ZCWPW2: variants seen among roughly 807,000 people sequenced by gnomAD.
The protein encoded by ZCWPW2 is zinc finger CW-type and PWWP domain containing 2, also known as zinc finger CW-type PWWP domain protein 2.
Under a neutral mutation model 46.6 loss-of-function variants are expected in ZCWPW2, and 45 were observed. The observed-to-expected ratio is 0.96, with a 90% confidence interval of 0.76 to 1.24. ZCWPW2 has a LOEUF of 1.24. ZCWPW2 is among the 50% of genes most tolerant of loss of function. ZCWPW2 has a pLI of 0.00. For synonymous variants in ZCWPW2, 152 were observed against 137.1 expected, an observed-to-expected ratio of 1.11 and a Z score of -0.76; for missense variants, 429 against 403.9, an observed-to-expected ratio of 1.06 and a Z score of -0.53.
chr3:28,524,524 C>T lies in ZCWPW2; in HGVS notation c.910-3C>T, dbSNP rs1414506599. The T allele has an allele frequency of 1.9e-6, 3 of 1,600,242 alleles. No homozygotes were observed. Among genetic ancestry groups the T allele is most frequent in the South Asian group, 2.3e-5 (2 of 87,160 alleles). On this transcript the variant is annotated splice_region_variant and splice_polypyrimidine_tract_variant and intron_variant, in intron 9 of 9. Transcript: ENST00000383768. ...TCCGATTAATTATATGGTTGTTTTG[C>T]AGTTATCTAAATGCAGCCCAGAAGC...
intron 3 of ZCWPW2, among the ~76,000 whole-genome samples, chr3:28,433,859 TG>T (rs780006200): frequency 2.0e-5 from 3 of 150,410 alleles, no homozygotes; most frequent in Non-Finnish European, 3.0e-5. Context: ...AAAGGAGTGC[TG>T]GGAACACTGA....
rs1639087861 is a variant in ZCWPW2 at position 28,428,334 on chromosome 3, TA to T, written c.333-6772del. On this transcript the variant is annotated intron_variant, in intron 3 of 9. Transcript: ENST00000383768. ...TGTAATGCTCTAGACCTTCTTCTTC[TA>T]AAATCTATGACTGCCAGGTAGTCCT... 5 of 152,230 alleles carry T rather than the reference TA, an allele frequency of 3.3e-5. No individual in the cohort carries two copies. The Middle Eastern group carries it at 0.014, about 414-fold the overall frequency. The allele number at this position is 152,230 out of a possible 1,614,324, so 9.4% of individuals were successfully genotyped here. A position where few individuals can be genotyped will look rare whatever the true frequency, so the allele number is the denominator to read the frequency against.
chr3:28,398,410 AG>A (rs1268959549), intron 2 of ZCWPW2, among the ~76,000 whole-genome samples: 3 of 152,200 alleles, frequency 2.0e-5, no homozygotes, highest in African/African-American at 4.8e-5. Context: ...TTATTTAAAA[AG>A]TTATTTTGGA....
intron 3 of ZCWPW2, among the ~76,000 whole-genome samples, chr3:28,422,518 C>T (rs1024519340): frequency 3.9e-5 from 6 of 152,114 alleles, no homozygotes; most frequent in Middle Eastern, 3.2e-3. Context: ...TATGCATTTA[C>T]GTCTCTTCCA....
At chr3:28,365,527 C>G (rs1372500529) in intron 1 of ZCWPW2, among the ~76,000 whole-genome samples, 1 of 140,716 alleles carries the variant, frequency 7.1e-6, no homozygotes, top group African/African-American at 2.5e-5. Context: ...GGTACCAGTA[C>G]CATGCTGTTT....
At chr3:28,501,529 C>A (rs1482424970) in intron 6 of ZCWPW2, among the ~76,000 whole-genome samples, 1 of 152,102 alleles carries the variant, frequency 6.6e-6, no homozygotes, top group East Asian at 1.9e-4. Flanking sequence ...CTTGACTCAA[C>A]TTTTTCATAA....
rs868390365 is a variant in ZCWPW2 at position 28,491,683 on chromosome 3, G to A, written c.611-444G>A. On this transcript the variant is annotated intron_variant, in intron 5 of 9. Transcript: ENST00000383768. ...CAGCTGTGAAGTGAGGAGGGACTGC[G>A]TACTTTACAAGGTTATAATGAGAAT... is the stretch of plus-strand genomic sequence containing the variant. 6.6e-5 allele frequency among the ~76,000 whole-genome samples: 10 copies of A among 152,076 alleles called. No individual in the cohort carries two copies. The East Asian group carries it at 1.4e-3, about 21-fold the overall frequency.
rs527770313 is a variant in ZCWPW2, at chr3:28,368,213, C to G, written c.-134+19010C>G. ...ATGATGATAGCTGGTTATTTTGCTC[C>G]TTAGTTGATGCAGTTTCTTCCTAGC... On this transcript the variant is annotated intron_variant, in intron 1 of 9. Coordinates refer to ENST00000383768, the MANE Select transcript of ZCWPW2 (RefSeq NM_001040432.4). Among the ~76,000 whole-genome samples, 34 of 152,058 alleles carry G rather than the reference C, an allele frequency of 2.2e-4. No individual in the cohort carries two copies. In the South Asian group the frequency reaches 6.9e-3, roughly 31 times the overall value.
chr3:28,425,682 T>C (rs1192634373), intron 3 of ZCWPW2, among the ~76,000 whole-genome samples: 1 of 152,238 alleles, frequency 6.6e-6, no homozygotes, highest in South Asian at 2.1e-4. Context: ...GCTTTATATC[T>C]ATATAATAAA....
At chr3:28,435,834 T>G (rs1376089686) in intron 4 of ZCWPW2, among the ~76,000 whole-genome samples, 1 of 152,130 alleles carries the variant, frequency 6.6e-6, no homozygotes, top group African/African-American at 2.4e-5. Context: ...AACTGAAGAC[T>G]TTATGTGATT....
At chr3:28,420,402 C>T (rs1243985981) in intron 3 of ZCWPW2, among the ~76,000 whole-genome samples, 1 of 151,942 alleles carries the variant, frequency 6.6e-6, no homozygotes, top group Non-Finnish European at 1.5e-5. Context: ...ATGTAATCAC[C>T]CCGGTATTAA....
At chr3:28,372,611 A>G (rs1705372219) in intron 1 of ZCWPW2, among the ~76,000 whole-genome samples, 1 of 152,162 alleles carries the variant, frequency 6.6e-6, no homozygotes, top group South Asian at 2.1e-4. Context: ...TTTTTTGGCA[A>G]CTTGTCCTTT....
chr3:28,440,332 C>T (rs1378424908), intron 4 of ZCWPW2, among the ~76,000 whole-genome samples: 4 of 152,136 alleles, frequency 2.6e-5, no homozygotes, highest in Admixed American at 6.5e-5. Context: ...AGCATTCCTC[C>T]CTCTTGAACT....
chr3:28,357,794 A>C (rs985199817), intron 1 of ZCWPW2, among the ~76,000 whole-genome samples: 1 of 139,838 alleles, frequency 7.2e-6, no homozygotes. Flanking sequence ...TAGTTGGTAT[A>C]TTTTATATAT....
At chr3:28,412,511 C>T (rs990424408) in intron 2 of ZCWPW2, among the ~76,000 whole-genome samples, 2 of 151,960 alleles carry the variant, frequency 1.3e-5, no homozygotes, top group Non-Finnish European at 2.9e-5. Context: ...GGTAAGATCA[C>T]AAACTTAGAA....
At chr3:28,428,949 A>G (rs1452531950) in intron 3 of ZCWPW2, among the ~76,000 whole-genome samples, 2 of 152,178 alleles carry the variant, frequency 1.3e-5, no homozygotes, top group African/African-American at 4.8e-5. Context: ...TAAATTACCC[A>G]GTCTTGGGTA....
chr3:28,435,192 A>G lies in ZCWPW2; in HGVS notation c.415A>G (p.Ile139Val), dbSNP rs374781577. Residue 139 changes from isoleucine to valine, a missense_variant, in exon 4 of 10, where the codon ATA (isoleucine) becomes GTA (valine). Coordinates refer to ENST00000383768, the MANE Select transcript of ZCWPW2 (RefSeq NM_001040432.4). ...GGATGGAAATGTTGAAGAGTATCAC[A>G]TAGAATTCCTGGGCGATCCCCATTC... is the stretch of plus-strand genomic sequence containing the variant. The part of the protein sequence containing the change: ...DPDGNVEEYH[I>V]EFLGDPHSRS... 1.2e-6 allele frequency: 2 copies of G among 1,613,748 alleles called. No individual in the cohort carries two copies. Among genetic ancestry groups the G allele is most frequent in the Non-Finnish European group, 1.7e-6 (2 of 1,179,956 alleles).
At chr3:28,403,783 T>C (rs1696043125) in intron 2 of ZCWPW2, among the ~76,000 whole-genome samples, 1 of 151,656 alleles carries the variant, frequency 6.6e-6, no homozygotes, top group Admixed American at 6.6e-5. Context: ...AAAAAAAACA[T>C]AAAGTGAGGA....
chr3:28,353,932 T>C (rs1704641518), intron 1 of ZCWPW2, among the ~76,000 whole-genome samples: 1 of 152,212 alleles, frequency 6.6e-6, no homozygotes, highest in Non-Finnish European at 1.5e-5. Flanking sequence ...GAAATGCTCG[T>C]CTGAGGCTTT....
Sources: gnomAD v4.1 joint callset for allele counts (sites outside exome capture counted in the v4.1 genomes callset) on GRCh38, gnomAD v4.1.1 for gene constraint, MANE v1.5 for transcripts, NCBI Gene and HGNC (gene_info 2026-07-23, HGNC 2026-07-21) for gene names.